Variants in GALNTL6 observed in about 807,000 individuals in gnomAD.
GALNTL6 encodes the protein polypeptide N-acetylgalactosaminyltransferase like 6, also known as polypeptide N-acetylgalactosaminyltransferase-like 6.
A neutral mutation model predicts 73.7 loss-of-function variants in GALNTL6; 46 were observed. The observed-to-expected ratio is 0.62, with a 90% CI of 0.49 to 0.80. The LOEUF is 0.80. Among genes scored for constraint, GALNTL6 ranks in the 30% least tolerant of loss-of-function variants. The pLI is 0.00. For missense variants in GALNTL6, 604 were observed against 755.0 expected, an observed-to-expected ratio of 0.80 and a Z score of 2.34; for synonymous variants, 259 against 263.7, an observed-to-expected ratio of 0.98 and a Z score of 0.17.
intron 5 of GALNTL6, among the ~76,000 whole-genome samples, chr4:172,575,017 G>A (rs764343884): frequency 4.6e-5 from 7 of 151,936 alleles, no homozygotes; most frequent in Non-Finnish European, 7.4e-5. Context: ...AAGAGGACAG[G>A]ATATTTGGAA....
chr4:171,860,200 C>A (rs763659428), intron 2 of GALNTL6, among the ~76,000 whole-genome samples: 1 of 152,074 alleles, frequency 6.6e-6, no homozygotes, highest in African/African-American at 2.4e-5. Context: ...TTTTTCTCAA[C>A]AAATACAATA....
chr4:171,929,245 T>G (rs955287457), intron 2 of GALNTL6, among the ~76,000 whole-genome samples: 1 of 152,250 alleles, frequency 6.6e-6, no homozygotes, highest in South Asian at 2.1e-4. Flanking sequence ...TTTTTACATT[T>G]ATTTTTTGTA....
chr4:172,853,609 T>C (rs1216244941), intron 7 of GALNTL6, among the ~76,000 whole-genome samples: 1 of 152,162 alleles, frequency 6.6e-6, no homozygotes, highest in Non-Finnish European at 1.5e-5. Context: ...GCCTTAACTC[T>C]TCCCCAACAA....
Position 172,324,142 on chromosome 4 carries a change from ATG to A in GALNTL6, c.386+12400_386+12401del, listed in dbSNP as rs199730037. Among the ~76,000 whole-genome samples the A allele has an allele frequency of 9.8e-3, 1,484 of 151,988 alleles. 13 individuals carry two copies. Among genetic ancestry groups the A allele is most frequent in the Non-Finnish European group, 0.017 (1,156 of 67,854 alleles). ...TGTTCCAAATGTCATATTTTACATG[ATG>A]TGTGTGTGTATGTATTCATTTTAAT... On this transcript the variant is annotated intron_variant, in intron 4 of 12. Coordinates refer to ENST00000506823, the MANE Select transcript of GALNTL6 (RefSeq NM_001034845.3).
chr4:171,976,943 A>G (rs1442801792), intron 2 of GALNTL6, among the ~76,000 whole-genome samples: 1 of 152,202 alleles, frequency 6.6e-6, no homozygotes, highest in Non-Finnish European at 1.5e-5. Flanking sequence ...TCAAGTCAGA[A>G]GTATTCTATC....
chr4:172,188,416 A>G (rs1250269675), intron 2 of GALNTL6, among the ~76,000 whole-genome samples: 1 of 152,212 alleles, frequency 6.6e-6, no homozygotes, highest in Non-Finnish European at 1.5e-5. Flanking sequence ...TTCAGTGAGT[A>G]TATGTTGAGC....
At chr4:172,403,614 C>T (rs1055137112) in intron 5 of GALNTL6, among the ~76,000 whole-genome samples, 1 of 152,014 alleles carries the variant, frequency 6.6e-6, no homozygotes, top group African/African-American at 2.4e-5. Context: ...GTACAATATA[C>T]ATCATCACTT....
At chr4:172,838,220 G>C (rs900607901) in intron 7 of GALNTL6, among the ~76,000 whole-genome samples, 3 of 152,220 alleles carry the variant, frequency 2.0e-5, no homozygotes, top group Non-Finnish European at 4.4e-5. Context: ...TTGTGATCCA[G>C]TGATTGTGAA....
chr4:172,040,673 C>A (rs1008243967), intron 2 of GALNTL6, among the ~76,000 whole-genome samples: 3 of 152,046 alleles, frequency 2.0e-5, no homozygotes, highest in Non-Finnish European at 4.4e-5. Flanking sequence ...AAAACAGTAT[C>A]TTCAATTTAC....
At chr4:172,872,758 T>C (rs1460519800) in intron 7 of GALNTL6, among the ~76,000 whole-genome samples, 1 of 152,240 alleles carries the variant, frequency 6.6e-6, no homozygotes, top group African/African-American at 2.4e-5. Flanking sequence ...TAATGTTAGC[T>C]TGATCTTTTC....
At chr4:171,978,532 T>A (rs1739788126) in intron 2 of GALNTL6, among the ~76,000 whole-genome samples, 1 of 152,164 alleles carries the variant, frequency 6.6e-6, no homozygotes, top group Non-Finnish European at 1.5e-5. Context: ...TTATGGTAGT[T>A]CAGCTGTGTG....
intron 1 of GALNTL6, 69 bp downstream of exon 1, chr4:171,814,059 T>A (rs188385310): frequency 6.5e-6 from 1 of 153,402 alleles, no homozygotes; most frequent in East Asian, 1.9e-4. Flanking sequence ...GCTGTTCCAA[T>A]GTCAAAAGCG....
At position 172,745,821 on chromosome 4, in the gene GALNTL6, A is replaced by G. The variant is rs950564517; in HGVS notation, c.554-63540A>G. Among the ~76,000 whole-genome samples the G allele has an allele frequency of 2.6e-5, 4 of 152,110 alleles. No homozygotes were observed. The South Asian group carries it at 6.2e-4, about 24-fold the overall frequency. On this transcript the variant is annotated intron_variant, in intron 5 of 12. Coordinates refer to ENST00000506823, the MANE Select transcript of GALNTL6 (RefSeq NM_001034845.3). ...TTTCAGTAAATTATTCAAATATAAG[A>G]TGAAAAATACAACTTAGGCGAGGGA...
intron 5 of GALNTL6, among the ~76,000 whole-genome samples, chr4:172,599,433 T>C (rs1210890309): frequency 6.6e-6 from 1 of 152,160 alleles, no homozygotes; most frequent in African/African-American, 2.4e-5. Context: ...AAAAATATTT[T>C]AATGTATTGC....
intron 5 of GALNTL6, among the ~76,000 whole-genome samples, chr4:172,718,036 T>C (rs955796756): frequency 5.3e-5 from 8 of 152,228 alleles, no homozygotes; most frequent in South Asian, 2.1e-4. Context: ...AACATAACTA[T>C]AGTATAATAT....
At chr4:173,018,249 A>G (rs1379502376) in intron 11 of GALNTL6, among the ~76,000 whole-genome samples, 1 of 152,248 alleles carries the variant, frequency 6.6e-6, no homozygotes, top group Non-Finnish European at 1.5e-5. Context: ...TATTCCAATG[A>G]TAGGTAACTG....
At chr4:172,699,495 CCTT>C (rs1733900538) in intron 5 of GALNTL6, among the ~76,000 whole-genome samples, 1 of 152,094 alleles carries the variant, frequency 6.6e-6, no homozygotes, top group African/African-American at 2.4e-5. Flanking sequence ...TTATAAATAA[CCTT>C]CTCTCAGAGT....
intron 5 of GALNTL6, among the ~76,000 whole-genome samples, chr4:172,778,630 A>G (rs1281299484): frequency 2.0e-5 from 3 of 152,230 alleles, no homozygotes; most frequent in East Asian, 1.9e-4. Flanking sequence ...TGACACTGCC[A>G]TGGCATGTTT....
At chr4:171,967,034 A>G (rs1739404697) in intron 2 of GALNTL6, among the ~76,000 whole-genome samples, 1 of 152,226 alleles carries the variant, frequency 6.6e-6, no homozygotes, top group Non-Finnish European at 1.5e-5. Context: ...AGCAGTTTTG[A>G]AAGAAAGCTG....
Sources: allele counts gnomAD v4.1 joint callset (sites outside exome capture counted in the v4.1 genomes callset), GRCh38; gene constraint gnomAD v4.1.1; transcripts MANE v1.5; gene names NCBI Gene and HGNC (gene_info 2026-07-23, HGNC 2026-07-21).